The following DOCK8 variants were observed in gnomAD, a reference collection of about 807,000 sequenced individuals.
DOCK8 encodes the protein dedicator of cytokinesis 8.
DOCK8 carries 141 observed loss-of-function variants against 245.6 expected under a neutral mutation model. That is an observed-to-expected ratio of 0.57 (90% CI 0.50 to 0.66). DOCK8 has a LOEUF of 0.66. Among genes scored for constraint, DOCK8 ranks in the 30% least tolerant of loss-of-function variants. The pLI, the probability that DOCK8 is intolerant of heterozygous loss-of-function variation, is 0.00. For synonymous variants in DOCK8, 1,168 were observed against 970.2 expected (o/e 1.20, Z -3.79); for missense variants, 2,965 against 2,603.4 (o/e 1.14, Z -3.02).
chr9:387,745 C>T (rs530129817), intron 23 of DOCK8, among the ~76,000 whole-genome samples: 1 of 152,178 alleles, frequency 6.6e-6, no homozygotes, highest in African/African-American at 2.4e-5. Context: ...AGTCCACTTG[C>T]TCTAAAATTT....
intron 2 of DOCK8, among the ~76,000 whole-genome samples, chr9:279,804 T>A (rs184797347): frequency 1.3e-5 from 2 of 152,336 alleles, no homozygotes; most frequent in East Asian, 3.9e-4. Context: ...GTGCGCCAGC[T>A]GGAGACATCA....
chr9:366,786 T>A (rs2053022252), intron 14 of DOCK8, among the ~76,000 whole-genome samples: 1 of 152,176 alleles, frequency 6.6e-6, no homozygotes, highest in African/African-American at 2.4e-5. Flanking sequence ...ATACACTTGT[T>A]AACACTTTGC....
chr9:455,840 T>C (rs10974555), intron 46 of DOCK8, among the ~76,000 whole-genome samples: 1 of 146,378 alleles, frequency 6.8e-6, no homozygotes, highest in East Asian at 2.3e-4. Context: ...TCAATAAAAT[T>C]ATGTGAGAAC....
intron 28 of DOCK8, among the ~76,000 whole-genome samples, chr9:411,223 G>A (rs907929103): frequency 6.6e-6 from 1 of 152,072 alleles, no homozygotes; most frequent in Non-Finnish European, 1.5e-5. Context: ...GACCAGCCTG[G>A]CCAAGGTGAT....
intron 26 of DOCK8, among the ~76,000 whole-genome samples, chr9:402,449 T>A (rs1028583583): frequency 6.6e-6 from 1 of 152,232 alleles, no homozygotes; most frequent in African/African-American, 2.4e-5. Flanking sequence ...ATTTATCCAC[T>A]GATTCTGTGG....
At chr9:356,716 G>A (rs1192863527) in intron 14 of DOCK8, among the ~76,000 whole-genome samples, 1 of 151,938 alleles carries the variant, frequency 6.6e-6, no homozygotes, top group Non-Finnish European at 1.5e-5. Context: ...CAAGCTTTTT[G>A]TAAGGAGGGA....
intron 4 of DOCK8, among the ~76,000 whole-genome samples, chr9:304,094 T>A (rs1008828303): frequency 6.6e-6 from 1 of 152,210 alleles, no homozygotes; most frequent in Admixed American, 6.5e-5. Context: ...AGATTGAGGA[T>A]GTTTGCAAAG....
chr9:242,337 A>G (rs552952656), intron 1 of DOCK8, among the ~76,000 whole-genome samples: 89 of 152,324 alleles, frequency 5.8e-4, no homozygotes, highest in African/African-American at 2.0e-3. Context: ...TTTACAGAGA[A>G]GTGGAAAGGT....
intron 4 of DOCK8, among the ~76,000 whole-genome samples, chr9:303,710 C>T (rs539855800): frequency 3.3e-5 from 5 of 152,230 alleles, no homozygotes; most frequent in South Asian, 2.1e-4. Flanking sequence ...ATGTGGGTGA[C>T]GTCAGTATCA....
chr9:221,103 C>G (rs1017883746), intron 1 of DOCK8, among the ~76,000 whole-genome samples: 1 of 152,152 alleles, frequency 6.6e-6, no homozygotes. Flanking sequence ...AACAGATTGA[C>G]ACCTCTGAAA....
At chr9:347,902 T>C (rs901739399) in intron 14 of DOCK8, among the ~76,000 whole-genome samples, 11 of 152,206 alleles carry the variant, frequency 7.2e-5, no homozygotes, top group Non-Finnish European at 1.3e-4. Flanking sequence ...CACAATTCAC[T>C]CACTTTCTAG....
intron 1 of DOCK8, among the ~76,000 whole-genome samples, chr9:262,722 T>C (rs912515807): frequency 6.6e-6 from 1 of 152,096 alleles, no homozygotes; most frequent in Non-Finnish European, 1.5e-5. Flanking sequence ...ATTGTAGTAA[T>C]GGTCTCATGG....
chr9:420,624 C>T, intron 31 of DOCK8, 41 bp downstream of exon 31: 1 of 1,610,666 alleles, frequency 6.2e-7, no homozygotes. Context: ...GCTCTTATCT[C>T]TCAATTGCAA....
chr9:286,523 C>G lies in DOCK8; in HGVS notation c.219C>G (p.Asn73Lys), dbSNP rs1280004562. The G allele has an allele frequency of 1.1e-5, 17 of 1,613,928 alleles. No homozygotes were observed. The highest frequency in any genetic ancestry group is 1.4e-5 in the Non-Finnish European group (16 of 1,179,946). ...DFEGLLMTHL[N>K]SLDVQLAQEL... Reference sequence around the variant, plus strand: ...AAGGACTTCTGATGACACACCTGAACAGCCTGGATGTGCAGCTTGCCCAGG... The same window carrying G: ...AAGGACTTCTGATGACACACCTGAAGAGCCTGGATGTGCAGCTTGCCCAGG... The change falls in exon 3 of 48, where the codon AAC becomes AAG. Residue 73 changes from asparagine to lysine, a missense_variant. By Grantham distance (94) the Asn-to-Lys change is moderately conservative. This residue lies in a region of DOCK8 where 2,825 missense variants were observed against 2,453.5 expected (regional missense o/e 1.15). Coordinates refer to ENST00000432829, the MANE Select transcript of DOCK8 (RefSeq NM_203447.4).
intron 9 of DOCK8, among the ~76,000 whole-genome samples, chr9:331,610 A>G (rs965391150): frequency 6.6e-6 from 1 of 152,092 alleles, no homozygotes; most frequent in East Asian, 1.9e-4. Context: ...TCTAAGTTAA[A>G]TTTTTTTTGA....
At chr9:252,093 C>T (rs538690092) in intron 1 of DOCK8, among the ~76,000 whole-genome samples, 2 of 151,734 alleles carry the variant, frequency 1.3e-5, no homozygotes, top group Admixed American at 6.6e-5. Flanking sequence ...CCTGCCTCAG[C>T]CTCCTGAGTA....
chr9:409,714 A>G (rs1264899097), intron 28 of DOCK8, among the ~76,000 whole-genome samples: 1 of 151,866 alleles, frequency 6.6e-6, no homozygotes, highest in Admixed American at 6.6e-5. Context: ...TATATCTCCT[A>G]ATGCTGTCCC....
intron 14 of DOCK8, chr9:366,044 A>G (rs2052981142): frequency 5.3e-6 from 1 of 187,514 alleles, no homozygotes; most frequent in Non-Finnish European, 1.1e-5. Flanking sequence ...ACAGCCCTGC[A>G]GTGGGCCTCT....
intron 2 of DOCK8, among the ~76,000 whole-genome samples, chr9:279,939 T>C (rs1181915608): frequency 6.6e-6 from 1 of 152,238 alleles, no homozygotes; most frequent in African/African-American, 2.4e-5. Context: ...GTTTTCACTA[T>C]CCTATTTGTG....
Sources: allele counts gnomAD v4.1 joint callset (sites outside exome capture counted in the v4.1 genomes callset), GRCh38; gene constraint gnomAD v4.1.1; regional missense constraint gnomAD v4.1.1; transcripts MANE v1.5; gene names NCBI Gene and HGNC (gene_info 2026-07-23, HGNC 2026-07-21).